Variants in DPYSL4 observed in about 807,000 individuals in gnomAD.
DPYSL4 encodes the protein dihydropyrimidinase-related protein 4.
Under a neutral mutation model 63.4 loss-of-function variants are expected in DPYSL4, and 43 were observed. The observed-to-expected ratio is 0.68, with a 90% confidence interval of 0.53 to 0.88. DPYSL4 has a LOEUF of 0.88. Among genes scored for constraint, DPYSL4 ranks in the 40% least tolerant of loss-of-function variants. The pLI is 0.00. For missense variants in DPYSL4, 733 were observed against 819.5 expected (o/e 0.89, Z 1.29); for synonymous variants, 353 against 331.7 (o/e 1.06, Z -0.70).
chr10:132,198,745 C>T (rs1201828671), intron 7 of DPYSL4, 106 bp from the exon 8 acceptor site: 8 of 1,520,056 alleles, frequency 5.3e-6, no homozygotes, highest in Non-Finnish European at 7.1e-6. Flanking sequence ...ACTAGGCTGC[C>T]CTGAGCCTGG....
chr10:132,192,616 A>T (rs1565038956), intron 2 of DPYSL4, 42 bp from the exon 3 acceptor site: 2 of 1,555,170 alleles, frequency 1.3e-6, no homozygotes, highest in South Asian at 2.5e-5. Context: ...CTGGGCTCTG[A>T]CCTGGGCTCC....
chr10:132,191,403 G>T (rs2061874746), intron 2 of DPYSL4, among the ~76,000 whole-genome samples: 1 of 121,966 alleles, frequency 8.2e-6, no homozygotes, highest in Admixed American at 8.8e-5. Context: ...CCAGGCAGGT[G>T]CAAATAGTTC....
chr10:132,202,370 A>T (rs1289851365), intron 11 of DPYSL4, among the ~76,000 whole-genome samples: 1 of 152,194 alleles, frequency 6.6e-6, no homozygotes, highest in Non-Finnish European at 1.5e-5. Context: ...TGCCGTGTGC[A>T]CCTGCCTAGC....
In DPYSL4 at chr10:132,201,952, G is replaced by T; in HGVS notation, c.1117G>T (p.Gly373Trp). ...SMVWEKCVAS[G>W]KMDENEFVAV... ...CAGCCTTCTTGTTCCCCAGGCCTCTGGGAAGATGGACGAGAATGAGTTCGT... is the reference window on the plus strand; with the variant it reads ...CAGCCTTCTTGTTCCCCAGGCCTCTTGGAAGATGGACGAGAATGAGTTCGT... Residue 373 changes from glycine to tryptophan, a missense_variant, in exon 11 of 14, where the codon GGG becomes TGG. Transcript: ENST00000338492. The T allele has an allele frequency of 6.2e-7, 1 of 1,612,312 alleles. No individual in the cohort carries two copies. Among genetic ancestry groups the T allele is most frequent in the Non-Finnish European group, 8.5e-7 (1 of 1,179,322 alleles).
At chr10:132,187,248 G>C in intron 1 of DPYSL4, 146 bp downstream of exon 1, 1 of 540,744 alleles carries the variant, frequency 1.8e-6, no homozygotes. Context: ...GCCCTTCCCT[G>C]CTCGGCTCCT....
intron 1 of DPYSL4, 44 bp from the exon 2 acceptor site, chr10:132,190,703 G>A: frequency 2.5e-6 from 4 of 1,575,360 alleles, no homozygotes; most frequent in South Asian, 1.1e-5. Context: ...GTGTTACTGA[G>A]TAACTCAGTT....
At chr10:132,194,588 G>A (rs1050946147) in intron 3 of DPYSL4, among the ~76,000 whole-genome samples, 1 of 146,178 alleles carries the variant, frequency 6.8e-6, no homozygotes, top group African/African-American at 2.5e-5. Flanking sequence ...TTGGGGTGGG[G>A]CTTTTCCTTT....
At chr10:132,204,557 GCAGGACTGGCCCGGGTTCCTCT>G (rs1809695238) in intron 13 of DPYSL4, among the ~76,000 whole-genome samples, 2 of 152,152 alleles carry the variant, frequency 1.3e-5, no homozygotes, top group African/African-American at 4.8e-5. Flanking sequence ...CAGGGACGAG[GCAGGACTGGCCCGGGTTCCTCT>G]CGGGACAGGA....
chr10:132,195,101 G>C, intron 4 of DPYSL4, 92 bp downstream of exon 4: 2 of 1,408,926 alleles, frequency 1.4e-6, no homozygotes, highest in African/African-American at 2.9e-5. Flanking sequence ...GTGCTGCTCT[G>C]CCCTGGGGGC....
Position 132,192,035 on chromosome 10 carries a change from T to C in DPYSL4, c.129-623T>C, listed in dbSNP as rs1239274080. Among the ~76,000 whole-genome samples, 3 of 108,726 alleles carry C rather than the reference T, an allele frequency of 2.8e-5. No homozygotes were observed. The Admixed American group carries it at 3.1e-4, about 11-fold the overall frequency. The allele number at this position is 108,726 out of a possible 152,430, so 71.3% of individuals were successfully genotyped here. On this transcript the variant is annotated intron_variant, in intron 2 of 13. Transcript: ENST00000338492. ...ATGTTCCCAGCTCGTGTGTACACGCTGGTCACGTGGTATCCAGGCAGGTGA... is the reference window on the plus strand; with the variant it reads ...ATGTTCCCAGCTCGTGTGTACACGCCGGTCACGTGGTATCCAGGCAGGTGA...
chr10:132,197,121 CCG>C lies in DPYSL4; in HGVS notation c.621+21_621+22del, dbSNP rs2061956357. 2.7e-6 allele frequency: 4 copies of C among 1,476,568 alleles called. No individual in the cohort carries two copies. Among genetic ancestry groups the C allele is most frequent in the Non-Finnish European group, 3.6e-6 (4 of 1,107,382 alleles). The allele number at this position is 1,476,568 out of a possible 1,614,324, so 91.5% of individuals were successfully genotyped here. A position where few individuals can be genotyped will look rare whatever the true frequency, so the allele number is the denominator to read the frequency against. Reference sequence around the variant, plus strand: ...GAGGAGGTGCCGTGGGGCAGGGCTGCCGTGGGGCAGGCACAGGGGCTGCCGTG... The same window carrying C: ...GAGGAGGTGCCGTGGGGCAGGGCTGCTGGGGCAGGCACAGGGGCTGCCGTG... On this transcript the variant is annotated intron_variant, in intron 6 of 13. Coordinates refer to ENST00000338492, the MANE Select transcript of DPYSL4 (RefSeq NM_006426.3).
At chr10:132,187,136 GC>G in intron 1 of DPYSL4, 34 bp downstream of exon 1, 1 of 1,496,388 alleles carries the variant, frequency 6.7e-7, no homozygotes, top group Non-Finnish European at 9.0e-7. Flanking sequence ...GGCGCCCCCT[GC>G]CCGCCGCCCG....
At chr10:132,203,693 C>T (rs188401944) in intron 12 of DPYSL4, 69 bp from the exon 13 acceptor site, 11 of 1,368,600 alleles carry the variant, frequency 8.0e-6, no homozygotes, top group East Asian at 7.9e-5. Flanking sequence ...CCTCATGCCC[C>T]ATCTCTGGCC....
rs751010323 is a variant in DPYSL4, at chr10:132,198,485, TA to T, written c.690+4del. The T allele has an allele frequency of 6.3e-7, 1 of 1,599,774 alleles. No homozygotes were observed. The highest frequency in any genetic ancestry group is 8.5e-7 in the Non-Finnish European group (1 of 1,176,214). On this transcript the variant is annotated splice_donor_region_variant and intron_variant, in intron 7 of 13. Transcript: ENST00000338492. ...CACGTGCTCAGCCACCCCGAGGAGG[TA>T]AGATCCCAGGGCACCACAGCACACC...
At chr10:132,199,871 C>A (rs1405894486) in intron 8 of DPYSL4, among the ~76,000 whole-genome samples, 1 of 151,914 alleles carries the variant, frequency 6.6e-6, no homozygotes, top group East Asian at 1.9e-4. Context: ...GCAGGCCAGG[C>A]CCTTCTCAGG....
At chr10:132,194,797 G>A in intron 3 of DPYSL4, 48 bp from the exon 4 acceptor site, 8 of 1,593,990 alleles carry the variant, frequency 5.0e-6, no homozygotes, top group Non-Finnish European at 6.9e-6. Flanking sequence ...GGCAGAGGTG[G>A]GAACCAGGGA....
At chr10:132,190,884 G>A (rs779932992) in intron 2 of DPYSL4, 49 bp downstream of exon 2, 40 of 1,573,950 alleles carry the variant, frequency 2.5e-5, no homozygotes, top group Middle Eastern at 1.8e-4. Flanking sequence ...GTGTGTACAC[G>A]CTGGTCACGT....
chr10:132,190,300 A>G (rs2061856328), intron 1 of DPYSL4, among the ~76,000 whole-genome samples: 1 of 152,214 alleles, frequency 6.6e-6, no homozygotes, highest in Non-Finnish European at 1.5e-5. Flanking sequence ...GTTTGGGTGG[A>G]ACCAAAGTCC....
At chr10:132,199,119 C>G (rs1301064614) in intron 8 of DPYSL4, 148 bp downstream of exon 8, 5 of 1,257,800 alleles carry the variant, frequency 4.0e-6, no homozygotes, top group Non-Finnish European at 4.3e-6. Context: ...GCACTGGACC[C>G]TGAGTCCCTG....
Sources: allele counts gnomAD v4.1 joint callset (sites outside exome capture counted in the v4.1 genomes callset), GRCh38; gene constraint gnomAD v4.1.1; transcripts MANE v1.5; gene names NCBI Gene and HGNC (gene_info 2026-07-23, HGNC 2026-07-21).